CEP152: variants seen among roughly 807,000 people sequenced by gnomAD.
CEP152 encodes centrosomal protein of 152 kDa.
A neutral mutation model predicts 188.9 loss-of-function variants in CEP152; 132 were observed. The ratio of observed to expected loss-of-function variants is 0.70; its 90% CI spans 0.61 to 0.81. The LOEUF is 0.81. CEP152 is among the 30% of genes least tolerant of loss of function. The pLI is 0.00. For synonymous variants in CEP152, 649 were observed against 666.6 expected, an observed-to-expected ratio of 0.97 and a Z score of 0.41; for missense variants, 1,914 against 1,969.8, an observed-to-expected ratio of 0.97 and a Z score of 0.54.
At chr15:48,732,640 T>A (rs1206672218) in intron 2 of CEP152, among the ~76,000 whole-genome samples, 1 of 143,234 alleles carries the variant, frequency 7.0e-6, no homozygotes, top group Non-Finnish European at 1.5e-5. Context: ...CAAATCTGCA[T>A]GTTCTGCACA....
chr15:48,768,538 G>C (rs1895294775), intron 14 of CEP152, among the ~76,000 whole-genome samples: 1 of 152,066 alleles, frequency 6.6e-6, no homozygotes, highest in African/African-American at 2.4e-5. Context: ...TTTTCTGACA[G>C]GACTAAACGT....
At chr15:48,793,580 AG>A in intron 6 of CEP152, 119 bp from the exon 7 acceptor site, 1 of 849,346 alleles carries the variant, frequency 1.2e-6, no homozygotes, top group South Asian at 1.5e-5. Context: ...AAATCAATTC[AG>A]TGAATTGTGA....
At chr15:48,762,959 T>G (rs548012196) in intron 17 of CEP152, among the ~76,000 whole-genome samples, 169 of 151,768 alleles carry the variant, frequency 1.1e-3, no homozygotes, top group African/African-American at 4.0e-3. Flanking sequence ...CTGGAATCTT[T>G]CCTATTGCCA....
chr15:48,752,430 C>T lies in CEP152; in HGVS notation c.3385G>A (p.Gly1129Ser). The T allele has an allele frequency of 6.2e-7, 1 of 1,613,804 alleles. No individual in the cohort carries two copies. The highest frequency in any genetic ancestry group is 1.1e-5 in the South Asian group (1 of 91,072). Residue 1129 changes from glycine (G) to serine (S), a missense_variant, in exon 21 of 27, where the codon GGC becomes AGC. Gly to Ser is a moderately conservative substitution (Grantham distance 56). Transcript: ENST00000380950. ...AELSKDSASQ[G>S]TGQGDPGPAA... ...GGTCCAGGGTCTCCTTGGCCAGTGC[C>T]CTGGCTGGCAGAATCCTTAGAGAGC...
chr15:48,781,494 A>G (rs1896239850), intron 11 of CEP152, 135 bp from the exon 12 acceptor site: 1 of 651,466 alleles, frequency 1.5e-6, no homozygotes, highest in Non-Finnish European at 2.6e-6. Flanking sequence ...AGTACACATT[A>G]TACTTTATAA....
rs3213882 is a variant in CEP152 at position 48,768,528 on chromosome 15, T to C, written c.1909-200A>G. Among the ~76,000 whole-genome samples, 49,414 of 152,086 alleles carry C rather than the reference T, an allele frequency of 0.32. 11,043 individuals are homozygous for C. The highest frequency in any genetic ancestry group is 0.63 in the East Asian group (3,249 of 5,178). On this transcript the variant is annotated intron_variant, in intron 14 of 26. Coordinates refer to ENST00000380950, the MANE Select transcript of CEP152 (RefSeq NM_001194998.2). ...ATAGATTCATTTATTTGACAAGTAG[T>C]TTTCTGACAGGACTAAACGTTTAAA...
chr15:48,777,324 C>T (rs972740823), intron 12 of CEP152, among the ~76,000 whole-genome samples: 10 of 151,764 alleles, frequency 6.6e-5, no homozygotes, highest in African/African-American at 1.5e-4. Context: ...AGGAACTCTG[C>T]GTAATACAAA....
Position 48,748,621 on chromosome 15 carries a change from T to G in CEP152, c.3467-11A>C. The G allele has an allele frequency of 1.4e-6, 2 of 1,456,662 alleles. No homozygotes were observed. The highest frequency in any genetic ancestry group is 9.0e-7 in the Non-Finnish European group (1 of 1,110,732). 90.2% of individuals were successfully genotyped at this position (1,456,662 alleles called of 1,614,324 possible). ...GGACCTTTTTCTTATCTGCAAAAAT[T>G]AAATGACAGAAAACTTTTATATCAG... On this transcript the variant is annotated splice_polypyrimidine_tract_variant and intron_variant, in intron 21 of 26. Coordinates refer to ENST00000380950, the MANE Select transcript of CEP152 (RefSeq NM_001194998.2).
intron 7 of CEP152, among the ~76,000 whole-genome samples, chr15:48,793,013 G>T (rs1897083361): frequency 6.6e-6 from 1 of 152,040 alleles, no homozygotes; most frequent in Admixed American, 6.6e-5. Context: ...GTAGAGACAG[G>T]GTTTCACCAT....
intron 12 of CEP152, 91 bp from the exon 13 acceptor site, chr15:48,772,782 GTT>G: frequency 9.3e-7 from 1 of 1,074,510 alleles, no homozygotes; most frequent in Non-Finnish European, 1.4e-6. Context: ...TGGTGAACAT[GTT>G]TTGTCACCTA....
At chr15:48,759,166 T>C (rs1356762784) in intron 19 of CEP152, among the ~76,000 whole-genome samples, 1 of 152,184 alleles carries the variant, frequency 6.6e-6, no homozygotes, top group African/African-American at 2.4e-5. Context: ...ACAAAACATA[T>C]TTCAACCTAT....
chr15:48,748,744 T>A, intron 21 of CEP152, 134 bp from the exon 22 acceptor site: 1 of 974,624 alleles, frequency 1.0e-6, no homozygotes, highest in Non-Finnish European at 1.4e-6. Context: ...AAGAGTGTGA[T>A]GCTTAAGATA....
chr15:48,766,289 A>G (rs1472030341), intron 17 of CEP152, among the ~76,000 whole-genome samples: 1 of 152,216 alleles, frequency 6.6e-6, no homozygotes, highest in African/African-American at 2.4e-5. Context: ...TAGAACATTT[A>G]TTTAAGCATT....
intron 1 of CEP152, among the ~76,000 whole-genome samples, chr15:48,808,892 G>A (rs1567039125): frequency 6.6e-6 from 1 of 152,136 alleles, no homozygotes; most frequent in Non-Finnish European, 1.5e-5. Flanking sequence ...TCAAGATGCA[G>A]ATTAAGTATA....
intron 21 of CEP152, among the ~76,000 whole-genome samples, chr15:48,751,996 G>T (rs982931968): frequency 6.6e-6 from 1 of 152,182 alleles, no homozygotes; most frequent in Non-Finnish European, 1.5e-5. Context: ...CCATTAAAAA[G>T]TGATTGAAAT....
chr15:48,802,576 G>A (rs1474545572), intron 2 of CEP152, among the ~76,000 whole-genome samples: 4 of 152,078 alleles, frequency 2.6e-5, no homozygotes, highest in African/African-American at 9.7e-5. Flanking sequence ...GTACCATTAA[G>A]AGTTGTAGCA....
Position 48,797,449 on chromosome 15 carries a change from C to A in CEP152, c.392G>T (p.Gly131Val), listed in dbSNP as rs759149654. The change falls in exon 5 of 27, where the codon GGT (glycine) becomes GTT (valine). Residue 131 changes from glycine (G) to valine (V), a missense_variant. Gly to Val is a moderately radical substitution (Grantham distance 109). Coordinates refer to ENST00000380950, the MANE Select transcript of CEP152 (RefSeq NM_001194998.2). ...PEEGGDEGGS[G>V]YSPPSKCEQT... is the part of the protein sequence containing the mutation. The stretch of plus-strand genomic sequence containing the variant: ...TTCACATTTACTTGGAGGACTATAA[C>A]CACTTCCACCTTCATCTCCACCTTC... 4 of 1,614,142 alleles carry A rather than the reference C, an allele frequency of 2.5e-6. No individual in the cohort carries two copies. The East Asian group carries it at 8.9e-5, about 36-fold the overall frequency.
Position 48,797,554 on chromosome 15 carries a change from T to C in CEP152, c.287A>G (p.Tyr96Cys). 4 of 1,614,122 alleles carry C rather than the reference T, an allele frequency of 2.5e-6. No individual in the cohort carries two copies. The highest frequency in any genetic ancestry group is 2.2e-5 in the South Asian group (2 of 91,084). The change falls in exon 5 of 27, where the codon TAT becomes TGT. Residue 96 changes from tyrosine to cysteine, a missense_variant. By Grantham distance (194) the Tyr-to-Cys change is radical. Coordinates refer to ENST00000380950, the MANE Select transcript of CEP152 (RefSeq NM_001194998.2). ...VNGYNEIQSL[Y>C]AGEKCGNVWE... The stretch of plus-strand genomic sequence containing the variant: ...GACATTACCACATTTTTCTCCAGCA[T>C]ATAAACTCTGAATTTCATTATAGCC...
At position 48,744,237 on chromosome 15, in the gene CEP152, T is replaced by G; in HGVS notation, c.3835+3A>C. The G allele has an allele frequency of 6.2e-7, 1 of 1,613,932 alleles. No individual in the cohort carries two copies. The highest frequency in any genetic ancestry group is 8.5e-7 in the Non-Finnish European group (1 of 1,179,912). ...TCCTTAAAATCTTCAGAATTAAACT[T>G]ACATTTAATTTTTTTTACAGCTTTA... On this transcript the variant is annotated splice_donor_region_variant and intron_variant, in intron 24 of 26. Transcript: ENST00000380950.
Sources: gnomAD v4.1 joint callset for allele counts (sites outside exome capture counted in the v4.1 genomes callset) on GRCh38, gnomAD v4.1.1 for gene constraint, MANE v1.5 for transcripts, NCBI Gene and HGNC (gene_info 2026-07-23, HGNC 2026-07-21) for gene names.